ZNF431: variants seen among roughly 807,000 people sequenced by gnomAD.
The protein encoded by ZNF431 is zinc finger protein 431.
In ZNF431, 34 loss-of-function variants were observed where a neutral mutation model predicts 57.0. The ratio of observed to expected loss-of-function variants is 0.60; its 90% CI spans 0.45 to 0.79. The LOEUF (loss-of-function observed/expected upper bound fraction) is 0.79, where lower values mean the gene tolerates loss of function less well. ZNF431 is among the 30% of genes least tolerant of loss of function. The pLI is 0.00. For synonymous variants in ZNF431, 207 were observed against 220.3 expected, an observed-to-expected ratio of 0.94 and a Z score of 0.54; for missense variants, 607 against 667.1, an observed-to-expected ratio of 0.91 and a Z score of 0.99.
intron 4 of ZNF431, among the ~76,000 whole-genome samples, chr19:21,171,921 C>T (rs1421369484): frequency 6.6e-6 from 1 of 150,554 alleles, no homozygotes; most frequent in African/African-American, 2.4e-5. Flanking sequence ...GGGATTTCAC[C>T]GTGTTAGCCA....
rs192044698 is a variant in ZNF431 at position 21,174,579 on chromosome 19, C to G, written c.319+6913C>G. 9.7e-4 allele frequency among the ~76,000 whole-genome samples: 147 copies of G among 152,194 alleles called. 1 individual carries two copies. Among genetic ancestry groups the G allele is most frequent in the African/African-American group, 3.5e-3 (145 of 41,510 alleles). ...ATTATATACAATATAATTATTACCA[C>G]CTCACCCAATTGTGGTTACTATTTG... is the stretch of plus-strand genomic sequence containing the variant. On this transcript the variant is annotated intron_variant, in intron 4 of 4. Transcript: ENST00000311048.
At chr19:21,162,684 G>T (rs1475569593) in intron 2 of ZNF431, 14 of 983,936 alleles carry the variant, frequency 1.4e-5, no homozygotes, top group Non-Finnish European at 1.6e-5. Flanking sequence ...TTAAAAAGAT[G>T]AGAGTTTTTG....
chr19:21,169,547 T>G lies in ZNF431; in HGVS notation c.319+1881T>G, dbSNP rs186307751. Among the ~76,000 whole-genome samples the G allele has an allele frequency of 6.9e-4, 105 of 152,302 alleles. 1 individual carries two copies. Among genetic ancestry groups the G allele is most frequent in the Non-Finnish European group, 1.3e-3 (90 of 68,016 alleles). On this transcript the variant is annotated intron_variant, in intron 4 of 4. Transcript: ENST00000311048. Reference sequence around the variant, plus strand: ...TTGTAGTGAAGAGGGGTTGTAGCTTTGTCACAAGGCTGCTGGGTCTGCACT... The same window carrying G: ...TTGTAGTGAAGAGGGGTTGTAGCTTGGTCACAAGGCTGCTGGGTCTGCACT...
chr19:21,147,561 A>G (rs890685184), intron 2 of ZNF431, among the ~76,000 whole-genome samples: 8 of 151,944 alleles, frequency 5.3e-5, no homozygotes, highest in Admixed American at 2.0e-4. Context: ...GAGTACCAAC[A>G]CAAGATGATT....
At chr19:21,150,251 C>A in intron 2 of ZNF431, 1 of 508,922 alleles carries the variant, frequency 2.0e-6, no homozygotes, top group Non-Finnish European at 3.7e-6. Flanking sequence ...TGGCTCTTTG[C>A]TGCTGCAACC....
At chr19:21,162,892 A>C in intron 2 of ZNF431, 1 of 316,782 alleles carries the variant, frequency 3.2e-6, no homozygotes, top group Non-Finnish European at 4.6e-6. Context: ...ACAAGTAACA[A>C]AAAAGTAAAT....
At position 21,193,174 on chromosome 19, in the gene ZNF431, T is replaced by A. The variant is rs1971539712; in HGVS notation, c.*9140T>A. 1 of 152,122 alleles carries A rather than the reference T, an allele frequency of 6.6e-6. No individual in the cohort carries two copies. Among genetic ancestry groups the A allele is most frequent in the African/African-American group, 2.4e-5 (1 of 41,444 alleles). 9.4% of individuals were successfully genotyped at this position (152,122 alleles called of 1,614,324 possible). A position where few individuals can be genotyped will look rare whatever the true frequency, so the allele number is the denominator to read the frequency against. ...AGAGATGAGCTGGTATTACTTCTACTGAATGTATTACTGAATGTATTCCAA... is the reference window on the plus strand; with the variant it reads ...AGAGATGAGCTGGTATTACTTCTACAGAATGTATTACTGAATGTATTCCAA... On this transcript the variant is annotated 3_prime_UTR_variant, in exon 5 of 5. Transcript: ENST00000311048.
rs2145082824 is a variant in ZNF431 at position 21,192,847 on chromosome 19, TTGCACTC to T, written c.*8818_*8824del. The T allele has an allele frequency of 6.6e-6, 1 of 152,298 alleles. No homozygotes were observed. Among genetic ancestry groups the T allele is most frequent in the African/African-American group, 2.4e-5 (1 of 41,576 alleles). The allele number at this position is 152,298 out of a possible 1,614,324, so 9.4% of individuals were successfully genotyped here. A position where few individuals can be genotyped will look rare whatever the true frequency, so the allele number is the denominator to read the frequency against. On this transcript the variant is annotated 3_prime_UTR_variant, in exon 5 of 5. Coordinates refer to ENST00000311048, the MANE Select transcript of ZNF431 (RefSeq NM_133473.4). Reference sequence around the variant, plus strand: ...CTATTGTGCATCCATTTTTTTCTCTTTGCACTCTGCATATATTTAAGTTTTAGAGATG... The same window carrying T: ...CTATTGTGCATCCATTTTTTTCTCTTTGCATATATTTAAGTTTTAGAGATG...
At chr19:21,179,305 A>G (rs1308357403) in intron 4 of ZNF431, among the ~76,000 whole-genome samples, 1 of 152,142 alleles carries the variant, frequency 6.6e-6, no homozygotes, top group Non-Finnish European at 1.5e-5. Context: ...TGTCAAAAAA[A>G]ACCAGCTCCT....
intron 2 of ZNF431, among the ~76,000 whole-genome samples, chr19:21,145,017 CTT>C (rs1457680619): frequency 1.9e-5 from 1 of 52,254 alleles, no homozygotes; most frequent in Non-Finnish European, 4.3e-5. Context: ...GGAATGGATA[CTT>C]TTGCTTCTCT....
chr19:21,172,798 A>G (rs570110344), intron 4 of ZNF431, among the ~76,000 whole-genome samples: 1 of 152,292 alleles, frequency 6.6e-6, no homozygotes, highest in South Asian at 2.1e-4. Flanking sequence ...CCCTGTCTTA[A>G]AAAGAAGCTG....
In ZNF431 at chr19:21,190,977, A is replaced by G. The variant is rs1237109977; in HGVS notation, c.*6943A>G. 1.3e-5 allele frequency: 2 copies of G among 151,756 alleles called. No homozygotes were observed. Among genetic ancestry groups the G allele is most frequent in the African/African-American group, 4.8e-5 (2 of 41,316 alleles). 9.4% of individuals were successfully genotyped at this position (151,756 alleles called of 1,614,324 possible). On this transcript the variant is annotated 3_prime_UTR_variant, in exon 5 of 5. Coordinates refer to ENST00000311048, the MANE Select transcript of ZNF431 (RefSeq NM_133473.4). ...GGCCTATTATTTTTAATAATTTTTT[A>G]TTGTTGTCATTTTAAATACACTTTT...
In ZNF431 at chr19:21,195,444, A is replaced by G. The variant is rs547950804; in HGVS notation, c.*11410A>G. 2.6e-5 allele frequency: 4 copies of G among 152,164 alleles called. No individual in the cohort carries two copies. Among genetic ancestry groups the G allele is most frequent in the African/African-American group, 9.6e-5 (4 of 41,504 alleles). The allele number at this position is 152,164 out of a possible 1,614,324, so 9.4% of individuals were successfully genotyped here. A position where few individuals can be genotyped will look rare whatever the true frequency, so the allele number is the denominator to read the frequency against. On this transcript the variant is annotated 3_prime_UTR_variant, in exon 5 of 5. Coordinates refer to ENST00000311048, the MANE Select transcript of ZNF431 (RefSeq NM_133473.4). The stretch of plus-strand genomic sequence containing the variant: ...TTCCAACTTTTTTAAAAGATACACA[A>G]TTTTCTAAAAAATTTTTCTTTATGG...
In ZNF431 at chr19:21,193,594, A is replaced by G. The variant is rs940672244; in HGVS notation, c.*9560A>G. The stretch of plus-strand genomic sequence containing the variant: ...ACCGAAGTCTAGTGAAGACAACAAC[A>G]ACAAAACTATAGGCCAATATTTTGG... On this transcript the variant is annotated 3_prime_UTR_variant, in exon 5 of 5. Coordinates refer to ENST00000311048, the MANE Select transcript of ZNF431 (RefSeq NM_133473.4). The G allele has an allele frequency of 3.9e-5, 6 of 152,310 alleles. No individual in the cohort carries two copies. In the East Asian group the frequency reaches 1.2e-3, roughly 29 times the overall value. The allele number at this position is 152,310 out of a possible 1,614,324, so 9.4% of individuals were successfully genotyped here.
At chr19:21,156,320 A>G (rs892860609) in intron 2 of ZNF431, among the ~76,000 whole-genome samples, 7 of 152,200 alleles carry the variant, frequency 4.6e-5, no homozygotes, top group African/African-American at 1.7e-4. Context: ...CTGTAGAACA[A>G]ACAACTCCTT....
chr19:21,150,392 G>T, intron 2 of ZNF431: 1 of 333,422 alleles, frequency 3.0e-6, no homozygotes, highest in South Asian at 2.9e-5. Flanking sequence ...CACAACAGCA[G>T]GGGTTGGAGC....
At chr19:21,166,864 T>C (rs911937950) in intron 3 of ZNF431, among the ~76,000 whole-genome samples, 8 of 152,214 alleles carry the variant, frequency 5.3e-5, no homozygotes, top group African/African-American at 1.4e-4. Context: ...AATTTTATTT[T>C]ATTTATTTAT....
intron 4 of ZNF431, among the ~76,000 whole-genome samples, chr19:21,167,984 G>A (rs903827503): frequency 3.3e-5 from 5 of 151,986 alleles, no homozygotes; most frequent in South Asian, 4.1e-4. Context: ...TTTGGGGGAC[G>A]CACAAATATC....
intron 4 of ZNF431, 152 bp from the exon 5 acceptor site, chr19:21,182,471 T>C: frequency 1.1e-6 from 1 of 891,502 alleles, no homozygotes; most frequent in Non-Finnish European, 1.6e-6. Context: ...AGTATATTTT[T>C]ATTAGATTTA....
Sources: gnomAD v4.1 joint callset for allele counts (sites outside exome capture counted in the v4.1 genomes callset) on GRCh38, gnomAD v4.1.1 for gene constraint, MANE v1.5 for transcripts, NCBI Gene and HGNC (gene_info 2026-07-23, HGNC 2026-07-21) for gene names.